The following PCDHGA6 variants were observed in gnomAD, a reference collection of about 807,000 sequenced individuals.
The protein encoded by PCDHGA6 is protocadherin gamma-A6.
Under a neutral mutation model 60.6 loss-of-function variants are expected in PCDHGA6, and 41 were observed. That is an observed-to-expected ratio of 0.68 (90% CI 0.53 to 0.88). The LOEUF is 0.88. PCDHGA6 is among the 40% of genes least tolerant of loss of function. The pLI, the probability that PCDHGA6 is intolerant of heterozygous loss-of-function variation, is 0.00. For synonymous variants in PCDHGA6, 594 were observed against 524.4 expected, an observed-to-expected ratio of 1.13 and a Z score of -1.81; for missense variants, 1,312 against 1,203.0, an observed-to-expected ratio of 1.09 and a Z score of -1.34.
At chr5:141,408,806 C>T in intron 1 of PCDHGA6, 1 of 1,613,010 alleles carries the variant, frequency 6.2e-7, no homozygotes, top group Non-Finnish European at 8.5e-7. Flanking sequence ...ACTCCTAGAC[C>T]GGGAAGAACA....
At chr5:141,495,446 C>A (rs1165861519) in intron 2 of PCDHGA6, among the ~76,000 whole-genome samples, 1 of 152,220 alleles carries the variant, frequency 6.6e-6, no homozygotes, top group African/African-American at 2.4e-5. Flanking sequence ...CCCTACTTGT[C>A]CTGCTCTCTG....
chr5:141,431,584 G>A lies in PCDHGA6; in HGVS notation c.2424+55077G>A, dbSNP rs201462681. 7 of 1,614,074 alleles carry A rather than the reference G, an allele frequency of 4.3e-6. No homozygotes were observed. The African/African-American group carries it at 9.3e-5, about 22-fold the overall frequency. On this transcript the variant is annotated intron_variant, in intron 1 of 3. Coordinates refer to ENST00000517434, the MANE Select transcript of PCDHGA6 (RefSeq NM_018919.3). The surrounding 1 kb of genome is among the most constrained non-coding windows in gnomAD (Gnocchi z 4.8). ...CCGACCCTGACGAAGGAGTCAATGC[G>A]GAAGTGAGGTATTCCTTCCGGTATG... is the stretch of plus-strand genomic sequence containing the variant.
In PCDHGA6 at chr5:141,511,539, C is replaced by CGAGAT; in HGVS notation, c.*366_*367insGAGAT. 3.0e-6 allele frequency: 1 copy of CGAGAT among 328,342 alleles called. No individual in the cohort carries two copies. Among genetic ancestry groups the CGAGAT allele is most frequent in the South Asian group, 3.2e-5 (1 of 31,708 alleles). 20.3% of individuals were successfully genotyped at this position (328,342 alleles called of 1,614,324 possible). On this transcript the variant is annotated 3_prime_UTR_variant, in exon 4 of 4. Transcript: ENST00000517434. ...CATCCCATGCCTCCCTCCTCCCCAC[C>CGAGAT]CCACTCCAACAGTTCCTCTTTCCCG...
At position 141,477,272 on chromosome 5, in the gene PCDHGA6, C is replaced by G. The variant is rs2099408579; in HGVS notation, c.2425-17535C>G. The G allele has an allele frequency of 1.2e-6, 2 of 1,614,090 alleles. No homozygotes were observed. The highest frequency in any genetic ancestry group is 1.7e-6 in the Non-Finnish European group (2 of 1,180,048). Reference sequence around the variant, plus strand: ...TGACCTGGATGCTGGCGAGAACGGGCTGGTGACCTGCGAAGTTCCACCGGG... The same window carrying G: ...TGACCTGGATGCTGGCGAGAACGGGGTGGTGACCTGCGAAGTTCCACCGGG... On this transcript the variant is annotated intron_variant, in intron 1 of 3. Coordinates refer to ENST00000517434, the MANE Select transcript of PCDHGA6 (RefSeq NM_018919.3). This position sits in a 1 kb window ranked among gnomAD's most constrained non-coding sequence, Gnocchi z 4.9.
At chr5:141,384,919 G>C in intron 1 of PCDHGA6, 1 of 1,613,976 alleles carries the variant, frequency 6.2e-7, no homozygotes, top group Non-Finnish European at 8.5e-7. Context: ...AGTCTTGGCC[G>C]ACCTGGGCAG....
chr5:141,400,092 G>T, intron 1 of PCDHGA6: 1 of 1,614,060 alleles, frequency 6.2e-7, no homozygotes, highest in Non-Finnish European at 8.5e-7. Context: ...CCACCGCCAC[G>T]CTGCACTTGG....
At position 141,450,006 on chromosome 5, in the gene PCDHGA6, C is replaced by CTAT. The variant is rs70988802; in HGVS notation, c.2425-44800_2425-44799insATT. ...CACATTGCATTTAGTTGCCATGTCT[C>CTAT]TTTTTTTTTTTTTTTTTTGAGACAG... On this transcript the variant is annotated intron_variant, in intron 1 of 3. Transcript: ENST00000517434. Among the ~76,000 whole-genome samples the CTAT allele has an allele frequency of 2.5e-4, 33 of 132,964 alleles. 6 individuals are homozygous for CTAT. Among genetic ancestry groups the CTAT allele is most frequent in the Non-Finnish European group, 2.9e-4 (18 of 62,916 alleles). The allele number at this position is 132,964 out of a possible 152,430, so 87.2% of individuals were successfully genotyped here. A position where few individuals can be genotyped will look rare whatever the true frequency, so the allele number is the denominator to read the frequency against.
chr5:141,423,874 A>G (rs1264795133), intron 1 of PCDHGA6: 2 of 1,283,268 alleles, frequency 1.6e-6, no homozygotes, highest in East Asian at 3.1e-5. Context: ...GTCATTTTTC[A>G]ATCTTGGCAT....
In PCDHGA6 at chr5:141,487,934, C is replaced by T; in HGVS notation, c.2425-6873C>T. 4.9e-6 allele frequency: 3 copies of T among 607,674 alleles called. No homozygotes were observed. The highest frequency in any genetic ancestry group is 2.1e-5 in the South Asian group (1 of 48,014). 37.6% of individuals were successfully genotyped at this position (607,674 alleles called of 1,614,324 possible). Reference sequence around the variant, plus strand: ...ACAGGAGGCTACAGTGCACAGGGTACAGTGCACCAGGCAGTCACTTGGACA... The same window carrying T: ...ACAGGAGGCTACAGTGCACAGGGTATAGTGCACCAGGCAGTCACTTGGACA... On this transcript the variant is annotated intron_variant, in intron 1 of 3. Transcript: ENST00000517434. This position sits in a 1 kb window ranked among gnomAD's most constrained non-coding sequence, Gnocchi z 5.0.
intron 1 of PCDHGA6, chr5:141,393,052 G>T (rs771952632): frequency 6.2e-7 from 1 of 1,613,614 alleles, no homozygotes; most frequent in Non-Finnish European, 8.5e-7. Context: ...CTGAACCCGC[G>T]CAGCGGCAGC....
At chr5:141,390,433 AT>A (rs1395897313) in intron 1 of PCDHGA6, 1 of 978,654 alleles carries the variant, frequency 1.0e-6, no homozygotes, top group East Asian at 2.6e-5. Context: ...CTGTCATATC[AT>A]TCTACAAAGG....
chr5:141,491,783 A>C lies in PCDHGA6; in HGVS notation c.2425-3024A>C. 1 of 1,539,736 alleles carries C rather than the reference A, an allele frequency of 6.5e-7. No individual in the cohort carries two copies. The highest frequency in any genetic ancestry group is 1.2e-5 in the South Asian group (1 of 82,444). On this transcript the variant is annotated intron_variant, in intron 1 of 3. Coordinates refer to ENST00000517434, the MANE Select transcript of PCDHGA6 (RefSeq NM_018919.3). The surrounding 1 kb of genome is among the most constrained non-coding windows in gnomAD (Gnocchi z 6.9). ...CGTCCTCATAAGGGATTGAACTTGC[A>C]TCCACTCCTCTCCGGCCGGCTTGGT...
At position 141,383,836 on chromosome 5, in the gene PCDHGA6, G is replaced by T. The variant is rs753167153; in HGVS notation, c.2424+7329G>T. On this transcript the variant is annotated intron_variant, in intron 1 of 3. Coordinates refer to ENST00000517434, the MANE Select transcript of PCDHGA6 (RefSeq NM_018919.3). ...AGAAGGATTAGATTATGAAGAAACT[G>T]CCTTCTATGAAATGGAGGTTCAGGC... 7 of 1,613,756 alleles carry T rather than the reference G, an allele frequency of 4.3e-6. No individual in the cohort carries two copies. The South Asian group carries it at 5.5e-5, about 13-fold the overall frequency.
At chr5:141,408,851 G>A in intron 1 of PCDHGA6, 1 of 1,613,574 alleles carries the variant, frequency 6.2e-7, no homozygotes, top group Non-Finnish European at 8.5e-7. Context: ...TGCCTTGGAC[G>A]GAGGGGACCC....
chr5:141,491,850 T>C lies in PCDHGA6; in HGVS notation c.2425-2957T>C. ...CCCGATTCTCGGGATCATTGGACCG[T>C]TTGCGCGAAACCAGAGTGGCCGATT... On this transcript the variant is annotated intron_variant, in intron 1 of 3. Transcript: ENST00000517434. The surrounding 1 kb of genome is among the most constrained non-coding windows in gnomAD (Gnocchi z 6.9). 6.8e-7 allele frequency: 1 copy of C among 1,460,996 alleles called. No homozygotes were observed. The highest frequency in any genetic ancestry group is 2.5e-5 in the East Asian group (1 of 40,084). The allele number at this position is 1,460,996 out of a possible 1,614,324, so 90.5% of individuals were successfully genotyped here.
rs560662076 is a variant in PCDHGA6, at chr5:141,498,856, C to A, written c.2483+3991C>A. Among the ~76,000 whole-genome samples, 72 of 152,004 alleles carry A rather than the reference C, an allele frequency of 4.7e-4. 2 individuals carry two copies. Among genetic ancestry groups the A allele is most frequent in the African/African-American group, 1.7e-3 (69 of 41,430 alleles). ...GCTGAGGCAGGGGAATCGCTTGAACCCAGGAGGCGGAGGTTGCAGTGAGCT... is the reference window on the plus strand; with the variant it reads ...GCTGAGGCAGGGGAATCGCTTGAACACAGGAGGCGGAGGTTGCAGTGAGCT... On this transcript the variant is annotated intron_variant, in intron 2 of 3. Coordinates refer to ENST00000517434, the MANE Select transcript of PCDHGA6 (RefSeq NM_018919.3).
intron 1 of PCDHGA6, chr5:141,424,133 T>C: frequency 2.2e-6 from 1 of 450,350 alleles, no homozygotes; most frequent in South Asian, 9.6e-5. Flanking sequence ...GTTGATTTAA[T>C]AGCATGCTCC....
chr5:141,380,133 TA>T (rs926535688), intron 1 of PCDHGA6, among the ~76,000 whole-genome samples: 12 of 151,832 alleles, frequency 7.9e-5, no homozygotes, highest in African/African-American at 2.9e-4. Context: ...CTCCTGACCT[TA>T]AGTGATCCAC....
intron 1 of PCDHGA6, among the ~76,000 whole-genome samples, chr5:141,468,946 C>G: frequency 7.0e-6 from 1 of 141,900 alleles, no homozygotes; most frequent in Non-Finnish European, 1.5e-5. Context: ...ATGGGGTAAA[C>G]CTGTGGTTTT....
Sources: gnomAD v4.1 joint callset for allele counts (sites outside exome capture counted in the v4.1 genomes callset) on GRCh38, gnomAD v4.1.1 for gene constraint, Gnocchi (gnomAD v3.1) non-coding constraint, MANE v1.5 for transcripts, NCBI Gene and HGNC (gene_info 2026-07-23, HGNC 2026-07-21) for gene names.